Variants in HIP1 observed in about 807,000 individuals in gnomAD.
HIP1 encodes the protein huntingtin-interacting protein 1.
Under a neutral mutation model 147.6 loss-of-function variants are expected in HIP1, and 65 were observed. The ratio of observed to expected loss-of-function variants is 0.44; its 90% CI spans 0.36 to 0.54. The LOEUF is 0.54. HIP1 is among the 20% of genes least tolerant of loss of function. The pLI is 0.00. For synonymous variants in HIP1, 479 were observed against 504.0 expected (o/e 0.95, Z 0.67); for missense variants, 1,061 against 1,299.6 (o/e 0.82, Z 2.82).
intron 1 of HIP1, among the ~76,000 whole-genome samples, chr7:75,615,656 C>G (rs782055567): frequency 2.6e-5 from 4 of 152,028 alleles, no homozygotes; most frequent in Non-Finnish European, 2.9e-5. Flanking sequence ...TGCCTGTAAT[C>G]CCAACACTTT....
intron 4 of HIP1, among the ~76,000 whole-genome samples, chr7:75,590,489 G>T (rs909305958): frequency 2.0e-5 from 3 of 152,052 alleles, no homozygotes; most frequent in Non-Finnish European, 4.4e-5. Flanking sequence ...AATAGAAGTA[G>T]AACAGATGGG....
chr7:75,549,058 T>C, intron 22 of HIP1, 57 bp from the exon 23 acceptor site: 1 of 1,237,756 alleles, frequency 8.1e-7, no homozygotes, highest in Non-Finnish European at 1.2e-6. Context: ...TCTTCTCCTC[T>C]GCCATCTGTA....
chr7:75,600,649 C>T (rs924256634), intron 1 of HIP1, among the ~76,000 whole-genome samples: 2 of 152,122 alleles, frequency 1.3e-5, no homozygotes, highest in African/African-American at 4.8e-5. Flanking sequence ...TGCCATTGTT[C>T]TACAAAAATT....
intron 7 of HIP1, among the ~76,000 whole-genome samples, chr7:75,580,773 G>C (rs955299993): frequency 1.3e-5 from 2 of 151,726 alleles, no homozygotes; most frequent in African/African-American, 4.8e-5. Context: ...ATGAAGTCTT[G>C]CTGTATCACT....
At chr7:75,730,773 C>T (rs1459251757) in intron 1 of HIP1, among the ~76,000 whole-genome samples, 1 of 150,086 alleles carries the variant, frequency 6.7e-6, no homozygotes, top group African/African-American at 2.5e-5. Context: ...TTCTCTGTTG[C>T]CCAGGCTGGA....
At chr7:75,697,610 C>T (rs782142444) in intron 1 of HIP1, among the ~76,000 whole-genome samples, 36 of 151,922 alleles carry the variant, frequency 2.4e-4, no homozygotes, top group African/African-American at 3.1e-4. Flanking sequence ...GTCAGGAGTT[C>T]GAGATCAGCC....
chr7:75,664,300 A>ACG (rs1554514226), intron 1 of HIP1, among the ~76,000 whole-genome samples: 3 of 146,352 alleles, frequency 2.0e-5, no homozygotes, highest in South Asian at 2.1e-4. Flanking sequence ...ATGTATGTAT[A>ACG]TATGTATGTA....
At chr7:75,638,746 C>T (rs537707302) in intron 1 of HIP1, among the ~76,000 whole-genome samples, 1 of 152,176 alleles carries the variant, frequency 6.6e-6, no homozygotes, top group South Asian at 2.1e-4. Flanking sequence ...GCCCTCCCTC[C>T]CGTCCGGCAG....
chr7:75,569,868 T>A (rs1295915121), intron 8 of HIP1, among the ~76,000 whole-genome samples: 3 of 151,884 alleles, frequency 2.0e-5, no homozygotes, highest in Non-Finnish European at 2.9e-5. Flanking sequence ...GTCACATGCA[T>A]GTACCGGGTG....
At chr7:75,595,251 T>TCCTTC (rs1796676115) in intron 2 of HIP1, among the ~76,000 whole-genome samples, 1 of 59,504 alleles carries the variant, frequency 1.7e-5, no homozygotes. Context: ...TTTCTTTCTT[T>TCCTTC]CTTCCTTCCT....
intron 1 of HIP1, among the ~76,000 whole-genome samples, chr7:75,638,174 G>A (rs1468922885): frequency 6.6e-6 from 1 of 151,630 alleles, no homozygotes. Context: ...GGGTGATTGA[G>A]ATGGCAAGGG....
chr7:75,655,758 T>C (rs142255798), intron 1 of HIP1, among the ~76,000 whole-genome samples: 54 of 152,176 alleles, frequency 3.5e-4, no homozygotes, highest in African/African-American at 1.2e-3. Flanking sequence ...GATGAAATAT[T>C]ATGGAAATAG....
At chr7:75,640,769 A>ATAATAC (rs1798627006) in intron 1 of HIP1, among the ~76,000 whole-genome samples, 1 of 149,626 alleles carries the variant, frequency 6.7e-6, no homozygotes, top group African/African-American at 2.4e-5. Context: ...AATAATAATA[A>ATAATAC]TAATAATAAT....
At position 75,538,238 on chromosome 7, in the gene HIP1, A is replaced by G. The variant is rs370945587; in HGVS notation, c.3062-14T>C. The G allele has an allele frequency of 6.2e-5, 100 of 1,609,912 alleles. No individual in the cohort carries two copies. The highest frequency in any genetic ancestry group is 7.9e-5 in the Non-Finnish European group (93 of 1,176,318). ...ATGCCTCTGTTCCTAAAAGACAATG[A>G]TAATTTATGTTGCAAAGCACTCATG... On this transcript the variant is annotated splice_polypyrimidine_tract_variant and intron_variant, in intron 30 of 30. Coordinates refer to ENST00000336926, the MANE Select transcript of HIP1 (RefSeq NM_005338.7).
At chr7:75,685,590 C>T (rs1437147686) in intron 1 of HIP1, among the ~76,000 whole-genome samples, 2 of 152,230 alleles carry the variant, frequency 1.3e-5, no homozygotes, top group Non-Finnish European at 2.9e-5. Flanking sequence ...CTCTTGTCGC[C>T]CAGGCTGGAG....
chr7:75,684,545 C>G (rs1429795793), intron 1 of HIP1, among the ~76,000 whole-genome samples: 3 of 151,936 alleles, frequency 2.0e-5, no homozygotes, highest in Non-Finnish European at 4.4e-5. Context: ...AAGCTGAACT[C>G]CCACTTGCTT....
In HIP1 at chr7:75,589,307, A is replaced by G. The variant is rs185622346; in HGVS notation, c.385-2474T>C. ...TGATAAAAATTATCCAGAATACAGCAAAGACAAATAGGTAGAAAAAACTGA... is the reference window on the plus strand; with the variant it reads ...TGATAAAAATTATCCAGAATACAGCGAAGACAAATAGGTAGAAAAAACTGA... On this transcript the variant is annotated intron_variant, in intron 4 of 30. Transcript: ENST00000336926. 1.7e-3 allele frequency among the ~76,000 whole-genome samples: 252 copies of G among 152,274 alleles called. 1 individual carries two copies. Among genetic ancestry groups the G allele is most frequent in the African/African-American group, 5.9e-3 (244 of 41,566 alleles).
intron 1 of HIP1, among the ~76,000 whole-genome samples, chr7:75,616,085 C>CAAAAAAA (rs71098042): frequency 0.036 from 1,255 of 35,222 alleles, 216 homozygotes; most frequent in African/African-American, 0.14. Context: ...GACTCTGTCT[C>CAAAAAAA]AAAAAAAAAA....
chr7:75,587,269 A>T (rs1796321576), intron 4 of HIP1, among the ~76,000 whole-genome samples: 1 of 152,048 alleles, frequency 6.6e-6, no homozygotes, highest in African/African-American at 2.4e-5. Flanking sequence ...TTTAGTAGAG[A>T]TGGGGTTTCA....
Sources: gnomAD v4.1 joint callset for allele counts (sites outside exome capture counted in the v4.1 genomes callset) on GRCh38, gnomAD v4.1.1 for gene constraint, MANE v1.5 for transcripts, NCBI Gene and HGNC (gene_info 2026-07-23, HGNC 2026-07-21) for gene names.